Variants in CERS3 observed in about 807,000 individuals in gnomAD.
The protein encoded by CERS3 is LAG1 homolog, ceramide synthase 3.
In CERS3, 33 loss-of-function variants were observed where a neutral mutation model predicts 50.3. The ratio of observed to expected loss-of-function variants is 0.66; its 90% CI spans 0.50 to 0.88. The LOEUF (loss-of-function observed/expected upper bound fraction) is 0.88, where lower values mean the gene tolerates loss of function less well. Ranked by LOEUF, CERS3 falls within the 40% of genes least tolerant of loss-of-function variation. The probability of loss-of-function intolerance (pLI) is 0.00; values close to 1 mark genes in which losing one functional copy is unlikely to be tolerated. For synonymous variants in CERS3, 176 were observed against 155.2 expected (o/e 1.13, Z -0.99); for missense variants, 470 against 460.3 (o/e 1.02, Z -0.19).
chr15:100,543,533 CTTTT>C (rs61663663), intron 1 of CERS3, among the ~76,000 whole-genome samples: 4 of 139,720 alleles, frequency 2.9e-5, no homozygotes, highest in Non-Finnish European at 4.7e-5. Flanking sequence ...TCCTTTCTTT[CTTTT>C]TTTTTTTTTT....
At chr15:100,477,190 T>C (rs935684719) in intron 7 of CERS3, among the ~76,000 whole-genome samples, 12 of 152,224 alleles carry the variant, frequency 7.9e-5, no homozygotes, top group Non-Finnish European at 1.8e-4. Flanking sequence ...TGGTTTGTTA[T>C]GTACCAACGG....
intron 11 of CERS3, among the ~76,000 whole-genome samples, chr15:100,422,397 A>G (rs2032505605): frequency 9.1e-6 from 1 of 109,586 alleles, no homozygotes; most frequent in Non-Finnish European, 1.9e-5. Flanking sequence ...ACCATCTCAC[A>G]CCAGTTAGAA....
rs76124528 is a variant in CERS3 at position 100,506,700 on chromosome 15, A to G, written c.-1-4850T>C. On this transcript the variant is annotated intron_variant, in intron 2 of 11. Transcript: ENST00000679737. ...CCAGACACAGAAGGCCACATATTGT[A>G]TGATTCCATTTACGTGAAATGTCCA... Among the ~76,000 whole-genome samples, 475 of 152,326 alleles carry G rather than the reference A, an allele frequency of 3.1e-3. 1 individual carries two copies. Among genetic ancestry groups the G allele is most frequent in the South Asian group, 8.9e-3 (43 of 4,830 alleles).
chr15:100,466,737 TTTCCTTCCTTCCTTCCTTCC>T (rs1197426230), intron 10 of CERS3, among the ~76,000 whole-genome samples: 3 of 74,294 alleles, frequency 4.0e-5, no homozygotes, highest in African/African-American at 1.6e-4. Context: ...TCTTTCCTTC[TTTCCTTCCTTCCTTCCTTCC>T]TTCCTTCCTT....
chr15:100,470,472 G>A (rs1596718097), intron 9 of CERS3, among the ~76,000 whole-genome samples: 5 of 152,158 alleles, frequency 3.3e-5, no homozygotes, highest in Admixed American at 3.3e-4. Context: ...AGGTTGGTGT[G>A]CCTGGTGGGT....
intron 6 of CERS3, among the ~76,000 whole-genome samples, chr15:100,479,767 T>A (rs2035243425): frequency 8.5e-6 from 1 of 118,016 alleles, no homozygotes; most frequent in African/African-American, 2.9e-5. Context: ...AACAAGTAAC[T>A]GTATGAACCA....
At chr15:100,525,977 C>T (rs571988676) in intron 1 of CERS3, among the ~76,000 whole-genome samples, 6 of 152,236 alleles carry the variant, frequency 3.9e-5, no homozygotes, top group African/African-American at 9.6e-5. Flanking sequence ...TCAATTAGAT[C>T]GTTGTATTGT....
chr15:100,544,676 G>A (rs2037314664), exon 1 of CERS3: 2 of 152,282 alleles, frequency 1.3e-5, no homozygotes, highest in South Asian at 2.1e-4. Context: ...GGGCCGAGGC[G>A]GGTCCGCGAG....
At chr15:100,416,071 C>G (rs1018062127) in intron 11 of CERS3, among the ~76,000 whole-genome samples, 1 of 152,134 alleles carries the variant, frequency 6.6e-6, no homozygotes, top group African/African-American at 2.4e-5. Flanking sequence ...CCCAAAGCAA[C>G]TTATAGATTC....
At chr15:100,514,461 C>T (rs1325157921) in intron 2 of CERS3, among the ~76,000 whole-genome samples, 2 of 152,090 alleles carry the variant, frequency 1.3e-5, no homozygotes, top group African/African-American at 4.8e-5. Context: ...TTTTAGGAGT[C>T]ACTAAAATGT....
At chr15:100,443,180 C>A (rs2033771028) in intron 11 of CERS3, among the ~76,000 whole-genome samples, 1 of 150,550 alleles carries the variant, frequency 6.6e-6, no homozygotes, top group African/African-American at 2.4e-5. Context: ...CTACCTTAAC[C>A]CACAAGTATA....
chr15:100,432,129 G>A (rs922452194), intron 11 of CERS3, among the ~76,000 whole-genome samples: 2 of 151,698 alleles, frequency 1.3e-5, no homozygotes, highest in African/African-American at 2.4e-5. Flanking sequence ...GTGCAGTGGG[G>A]CAATCATGGC....
intron 1 of CERS3, among the ~76,000 whole-genome samples, chr15:100,522,602 A>G (rs912089543): frequency 2.0e-5 from 3 of 152,194 alleles, no homozygotes; most frequent in Admixed American, 6.5e-5. Context: ...AACTTTTAGA[A>G]CTGAGATGCA....
chr15:100,496,513 G>A (rs538978769), intron 3 of CERS3, among the ~76,000 whole-genome samples: 1 of 152,262 alleles, frequency 6.6e-6, no homozygotes, highest in South Asian at 2.1e-4. Flanking sequence ...AGTGATTGCT[G>A]GTGGCTAGTG....
At chr15:100,448,074 C>A (rs912604076) in intron 11 of CERS3, among the ~76,000 whole-genome samples, 18 of 152,110 alleles carry the variant, frequency 1.2e-4, no homozygotes, top group African/African-American at 4.3e-4. Flanking sequence ...GCGTTATGTG[C>A]AATTTGGATA....
chr15:100,443,830 A>G (rs548075188), intron 11 of CERS3, among the ~76,000 whole-genome samples: 1 of 152,292 alleles, frequency 6.6e-6, no homozygotes, highest in African/African-American at 2.4e-5. Context: ...CTTCCTAGGC[A>G]CGGTTAGATA....
intron 11 of CERS3, among the ~76,000 whole-genome samples, chr15:100,435,918 A>ATC (rs2033381961): frequency 6.6e-6 from 1 of 152,262 alleles, no homozygotes; most frequent in African/African-American, 2.4e-5. Flanking sequence ...TCAAAACCAC[A>ATC]ATGAGATAGC....
chr15:100,484,445 G>A, intron 5 of CERS3, 105 bp downstream of exon 5: 1 of 760,596 alleles, frequency 1.3e-6, no homozygotes, highest in East Asian at 2.5e-5. Context: ...TGACAGAGCT[G>A]GGTCTGAACC....
intron 1 of CERS3, chr15:100,544,154 G>C (rs911316279): frequency 1.3e-5 from 2 of 152,366 alleles, no homozygotes; most frequent in African/African-American, 4.8e-5. Context: ...GAGGAGGGGG[G>C]CCCAACCCAG....
Sources: gnomAD v4.1 joint callset for allele counts (sites outside exome capture counted in the v4.1 genomes callset) on GRCh38, gnomAD v4.1.1 for gene constraint, MANE v1.5 for transcripts, NCBI Gene and HGNC (gene_info 2026-07-23, HGNC 2026-07-21) for gene names.